HUNK: variants seen among roughly 807,000 people sequenced by gnomAD.
HUNK encodes hormonally up-regulated Neu-associated kinase.
Under a neutral mutation model 61.0 loss-of-function variants are expected in HUNK, and 21 were observed. The observed-to-expected ratio is 0.34, with a 90% CI of 0.24 to 0.50. The LOEUF is 0.50. HUNK is among the 20% of genes least tolerant of loss of function. The pLI is 0.98. For missense variants in HUNK, 772 were observed against 945.7 expected (o/e 0.82, Z 2.41); for synonymous variants, 371 against 386.1 (o/e 0.96, Z 0.46).
intron 1 of HUNK, among the ~76,000 whole-genome samples, chr21:31,883,161 T>A (rs1036689942): frequency 1.3e-5 from 2 of 152,112 alleles, no homozygotes; most frequent in Non-Finnish European, 1.5e-5. Flanking sequence ...TAACTGTTGA[T>A]AAGTATTGCC....
intron 4 of HUNK, among the ~76,000 whole-genome samples, chr21:31,953,321 A>G (rs2052865023): frequency 6.7e-6 from 1 of 149,500 alleles, no homozygotes; most frequent in African/African-American, 2.5e-5. Flanking sequence ...CACAACCTCC[A>G]ACTCCCGGGT....
At chr21:31,983,652 G>T (rs1467881280) in intron 8 of HUNK, 43 bp downstream of exon 8, 13 of 1,393,822 alleles carry the variant, frequency 9.3e-6, no homozygotes, top group Non-Finnish European at 1.2e-5. Context: ...CTTAGGAAGG[G>T]TGGATTTCCA....
intron 1 of HUNK, among the ~76,000 whole-genome samples, chr21:31,893,664 C>T (rs985472826): frequency 3.3e-5 from 5 of 152,150 alleles, no homozygotes; most frequent in African/African-American, 1.2e-4. Flanking sequence ...GCAGAGAATC[C>T]TTTTCACAGT....
At position 31,999,087 on chromosome 21, in the gene HUNK, C is replaced by T. The variant is rs771367316; in HGVS notation, c.2048C>T (p.Ala683Val). ...RKRHQSLQPS[A>V]DRPLEASLPP... ...CGCCATCAGAGTCTGCAGCCATCTG[C>T]AGATAGGCCCCTGGAGGCCAGCCTG... Residue 683 changes from alanine (A) to valine (V), a missense_variant, in exon 11 of 11, where the codon GCA becomes GTA. Coordinates refer to ENST00000270112, the MANE Select transcript of HUNK (RefSeq NM_014586.2). 1.2e-6 allele frequency: 2 copies of T among 1,614,124 alleles called. No individual in the cohort carries two copies. Among genetic ancestry groups the T allele is most frequent in the African/African-American group, 2.7e-5 (2 of 74,952 alleles).
intron 8 of HUNK, among the ~76,000 whole-genome samples, chr21:31,985,503 C>G (rs1163899196): frequency 1.3e-5 from 2 of 152,202 alleles, no homozygotes; most frequent in African/African-American, 4.8e-5. Context: ...AGGAGAGGGA[C>G]TTGCCCCCGG....
chr21:31,986,272 G>C (rs1178678002), intron 8 of HUNK, among the ~76,000 whole-genome samples: 2 of 151,480 alleles, frequency 1.3e-5, no homozygotes, highest in African/African-American at 2.4e-5. Flanking sequence ...AAACCCAAGA[G>C]TCCTTGACTT....
intron 8 of HUNK, among the ~76,000 whole-genome samples, chr21:31,984,422 A>C (rs2053119139): frequency 6.6e-6 from 1 of 152,208 alleles, no homozygotes; most frequent in Admixed American, 6.5e-5. Flanking sequence ...AAAAAATGAG[A>C]TGCTTAAAAA....
At chr21:31,968,859 T>C (rs2052989784) in intron 6 of HUNK, among the ~76,000 whole-genome samples, 1 of 151,216 alleles carries the variant, frequency 6.6e-6, no homozygotes, top group Non-Finnish European at 1.5e-5. Flanking sequence ...TGTGTGTGTG[T>C]GTGTGTGTGT....
chr21:31,955,141 C>G (rs902308268), intron 4 of HUNK, among the ~76,000 whole-genome samples: 9 of 152,070 alleles, frequency 5.9e-5, no homozygotes, highest in Admixed American at 5.9e-4. Flanking sequence ...GGTCTGAGGA[C>G]GAACCACACG....
At chr21:31,916,642 C>T (rs1410116496) in intron 1 of HUNK, among the ~76,000 whole-genome samples, 1 of 151,848 alleles carries the variant, frequency 6.6e-6, no homozygotes, top group African/African-American at 2.4e-5. Context: ...AACTCTTCCT[C>T]CTCTTCCTCT....
chr21:31,906,075 T>C (rs969214902), intron 1 of HUNK, among the ~76,000 whole-genome samples: 15 of 152,190 alleles, frequency 9.9e-5, no homozygotes, highest in Non-Finnish European at 2.1e-4. Context: ...CTTTGATATT[T>C]CCCCTTAGCA....
chr21:31,910,476 GGTTTCAGGA>G (rs1265273211), intron 1 of HUNK, among the ~76,000 whole-genome samples: 1 of 149,036 alleles, frequency 6.7e-6, no homozygotes, highest in Non-Finnish European at 1.5e-5. Context: ...TGCAGGGATT[GGTTTCAGGA>G]TATCCTTTTT....
chr21:32,003,108 G>T lies in HUNK; in HGVS notation c.*3924G>T, dbSNP rs2053256677. The T allele has an allele frequency of 6.6e-6, 1 of 152,302 alleles. No homozygotes were observed. The highest frequency in any genetic ancestry group is 1.5e-5 in the Non-Finnish European group (1 of 68,124). The allele number at this position is 152,302 out of a possible 1,614,324, so 9.4% of individuals were successfully genotyped here. A position where few individuals can be genotyped will look rare whatever the true frequency, so the allele number is the denominator to read the frequency against. ...GAGTTTCTCCCTCAAAGAACACAGAGAAATCAGAGAGTGGCTGCCATGGTC... is the reference window on the plus strand; with the variant it reads ...GAGTTTCTCCCTCAAAGAACACAGATAAATCAGAGAGTGGCTGCCATGGTC... On this transcript the variant is annotated 3_prime_UTR_variant, in exon 11 of 11. Coordinates refer to ENST00000270112, the MANE Select transcript of HUNK (RefSeq NM_014586.2).
chr21:31,886,234 C>A (rs1263384625), intron 1 of HUNK, among the ~76,000 whole-genome samples: 3 of 152,018 alleles, frequency 2.0e-5, no homozygotes, highest in Admixed American at 6.6e-5. Flanking sequence ...CCAGTCTGGC[C>A]AACACAGTGA....
intron 3 of HUNK, among the ~76,000 whole-genome samples, chr21:31,945,295 T>G (rs1357994867): frequency 6.6e-6 from 1 of 152,190 alleles, no homozygotes; most frequent in African/African-American, 2.4e-5. Flanking sequence ...GAAGGCATAA[T>G]AGACCCAAAG....
intron 3 of HUNK, 24 bp downstream of exon 3, chr21:31,940,244 G>A: frequency 7.2e-7 from 1 of 1,390,160 alleles, no homozygotes. Context: ...TTTTTTTTAA[G>A]CAAAAGTATC....
intron 1 of HUNK, among the ~76,000 whole-genome samples, chr21:31,901,876 T>A (rs1224414128): frequency 6.6e-6 from 1 of 152,082 alleles, no homozygotes; most frequent in Non-Finnish European, 1.5e-5. Flanking sequence ...CCCACTGGGT[T>A]ATTTGAGGCC....
At chr21:31,899,432 C>CTG (rs143720852) in intron 1 of HUNK, among the ~76,000 whole-genome samples, 21 of 151,900 alleles carry the variant, frequency 1.4e-4, no homozygotes, top group Admixed American at 5.9e-4. Flanking sequence ...GTGACCTTTG[C>CTG]TGTGTGTGTG....
At chr21:31,880,380 C>T (rs2052297549) in intron 1 of HUNK, among the ~76,000 whole-genome samples, 1 of 152,168 alleles carries the variant, frequency 6.6e-6, no homozygotes. Context: ...GTTCTGGAGG[C>T]TAGGATCCAA....
Sources: gnomAD v4.1 joint callset for allele counts (sites outside exome capture counted in the v4.1 genomes callset) on GRCh38, gnomAD v4.1.1 for gene constraint, MANE v1.5 for transcripts, NCBI Gene and HGNC (gene_info 2026-07-23, HGNC 2026-07-21) for gene names.